Variants in SOS1 observed in about 807,000 individuals in gnomAD.
SOS1 encodes the protein SOS Ras/Rac guanine nucleotide exchange factor 1.
SOS1 carries 25 observed loss-of-function variants against 157.6 expected under a neutral mutation model. The observed-to-expected ratio is 0.16, with a 90% CI of 0.12 to 0.22. The LOEUF (loss-of-function observed/expected upper bound fraction) is 0.22. SOS1 is among the 10% of genes least tolerant of loss of function. The pLI is 1.00. For missense variants in SOS1, 1,237 were observed against 1,599.1 expected, an observed-to-expected ratio of 0.77 and a Z score of 3.86; for synonymous variants, 528 against 534.0, an observed-to-expected ratio of 0.99 and a Z score of 0.16.
intron 6 of SOS1, among the ~76,000 whole-genome samples, chr2:39,038,190 C>T (rs1261807399): frequency 6.6e-6 from 1 of 152,082 alleles, no homozygotes; most frequent in Non-Finnish European, 1.5e-5. Flanking sequence ...ATTCTAGATG[C>T]CAGTAAGAAC....
chr2:39,021,270 T>G (rs1669785766), intron 10 of SOS1, among the ~76,000 whole-genome samples: 1 of 151,572 alleles, frequency 6.6e-6, no homozygotes, highest in Admixed American at 6.6e-5. Context: ...TAATTTTGCT[T>G]TAAAGTGTCC....
intron 2 of SOS1, among the ~76,000 whole-genome samples, chr2:39,064,697 A>C (rs1429636863): frequency 6.6e-6 from 1 of 150,492 alleles, no homozygotes; most frequent in Non-Finnish European, 1.5e-5. Flanking sequence ...AAGATTTTTA[A>C]ATGTGTATAT....
chr2:39,019,491 G>A (rs535159998), intron 10 of SOS1, among the ~76,000 whole-genome samples: 1 of 151,680 alleles, frequency 6.6e-6, no homozygotes, highest in South Asian at 2.1e-4. Context: ...CCATCCAATT[G>A]GATAATTTTT....
intron 22 of SOS1, 135 bp from the exon 23 acceptor site, chr2:38,986,450 T>C (rs1323127243): frequency 1.1e-6 from 1 of 894,004 alleles, no homozygotes; most frequent in Non-Finnish European, 1.6e-6. Flanking sequence ...TTGCCATATG[T>C]TTTCTTTTTA....
At chr2:39,084,319 A>C (rs1056721752) in intron 1 of SOS1, among the ~76,000 whole-genome samples, 2 of 152,222 alleles carry the variant, frequency 1.3e-5, no homozygotes, top group African/African-American at 4.8e-5. Context: ...GAGAAAACTC[A>C]TTAAAAAATG....
In SOS1 at chr2:38,984,281, TTTCTC is replaced by T. The variant is rs1346096740; in HGVS notation, c.*1538_*1542del. On this transcript the variant is annotated 3_prime_UTR_variant, in exon 23 of 23. Coordinates refer to ENST00000402219, the MANE Select transcript of SOS1 (RefSeq NM_005633.4). ...ATTATAGTGGAGATTAATAAAATGTTTTCTCTTCAACAAGGTGCATGCATTTCAGT... is the reference window on the plus strand; with the variant it reads ...ATTATAGTGGAGATTAATAAAATGTTTTCAACAAGGTGCATGCATTTCAGT... The T allele has an allele frequency of 6.6e-6, 1 of 152,130 alleles. No homozygotes were observed. Among genetic ancestry groups the T allele is most frequent in the African/African-American group, 2.4e-5 (1 of 41,448 alleles). The allele number at this position is 152,130 out of a possible 1,614,324, so 9.4% of individuals were successfully genotyped here. A position where few individuals can be genotyped will look rare whatever the true frequency, so the allele number is the denominator to read the frequency against.
chr2:39,050,112 G>T (rs1363260732), intron 6 of SOS1, among the ~76,000 whole-genome samples: 2 of 152,068 alleles, frequency 1.3e-5, no homozygotes, highest in South Asian at 4.1e-4. Flanking sequence ...AAGGGCTGTG[G>T]TGATGCTTGA....
At chr2:39,047,526 T>C (rs1163851817) in intron 6 of SOS1, among the ~76,000 whole-genome samples, 1 of 152,214 alleles carries the variant, frequency 6.6e-6, no homozygotes, top group Non-Finnish European at 1.5e-5. Flanking sequence ...AAAATACATT[T>C]CCTTGATGAG....
chr2:39,106,434 CA>C (rs1197253378), intron 1 of SOS1, among the ~76,000 whole-genome samples: 1 of 151,016 alleles, frequency 6.6e-6, no homozygotes, highest in Non-Finnish European at 1.5e-5. Context: ...ACTAAAAATA[CA>C]AAAAAATTAG....
intron 1 of SOS1, among the ~76,000 whole-genome samples, chr2:39,097,695 C>A (rs1558511841): frequency 6.6e-6 from 1 of 152,104 alleles, no homozygotes; most frequent in Admixed American, 6.5e-5. Flanking sequence ...TCCCCAGTAG[C>A]TGGGATTACA....
At chr2:39,020,195 G>A (rs1470915) in intron 10 of SOS1, among the ~76,000 whole-genome samples, 141,002 of 151,550 alleles carry the variant, frequency 0.93, 65,698 homozygotes, top group African/African-American at 0.96. Flanking sequence ...GAAGGCTTGG[G>A]CATCTCTTCT....
chr2:39,061,684 G>C (rs566676070), intron 2 of SOS1, among the ~76,000 whole-genome samples: 22 of 152,124 alleles, frequency 1.4e-4, no homozygotes, highest in African/African-American at 4.1e-4. Context: ...CACTGCATTC[G>C]GCCTTCATGT....
At chr2:39,079,830 T>C (rs1163770506) in intron 1 of SOS1, among the ~76,000 whole-genome samples, 1 of 152,080 alleles carries the variant, frequency 6.6e-6, no homozygotes, top group African/African-American at 2.4e-5. Context: ...GTTAGGTACA[T>C]ACATGTTCAT....
intron 1 of SOS1, among the ~76,000 whole-genome samples, chr2:39,090,675 G>A (rs917760536): frequency 2.0e-5 from 3 of 151,986 alleles, no homozygotes; most frequent in African/African-American, 7.2e-5. Flanking sequence ...CAGCCTGAGC[G>A]ACAGAACGAG....
intron 10 of SOS1, among the ~76,000 whole-genome samples, chr2:39,017,990 C>G (rs1039846351): frequency 1.3e-5 from 2 of 151,728 alleles, no homozygotes; most frequent in African/African-American, 4.8e-5. Flanking sequence ...AAACAGAATA[C>G]CTAGTTCCAT....
intron 2 of SOS1, among the ~76,000 whole-genome samples, chr2:39,063,373 C>G (rs779546077): frequency 6.6e-6 from 1 of 152,114 alleles, no homozygotes; most frequent in Non-Finnish European, 1.5e-5. Context: ...TATGCAAATA[C>G]TATGCCATTT....
intron 1 of SOS1, among the ~76,000 whole-genome samples, chr2:39,074,074 G>A (rs1238338689): frequency 3.4e-4 from 51 of 151,866 alleles, no homozygotes; most frequent in Admixed American, 3.3e-3. Flanking sequence ...CCTGGGCTGG[G>A]CGCGGTGGCC....
chr2:39,049,295 C>A (rs1670916190), intron 6 of SOS1, among the ~76,000 whole-genome samples: 1 of 152,206 alleles, frequency 6.6e-6, no homozygotes, highest in Non-Finnish European at 1.5e-5. Flanking sequence ...GTCCTCAATT[C>A]CATCTTCCAA....
intron 1 of SOS1, among the ~76,000 whole-genome samples, chr2:39,083,557 A>G (rs1235745015): frequency 6.6e-6 from 1 of 152,216 alleles, no homozygotes; most frequent in African/African-American, 2.4e-5. Context: ...TGAGGAGTAG[A>G]TGGGAGGAGA....
Sources: allele counts gnomAD v4.1 joint callset (sites outside exome capture counted in the v4.1 genomes callset), GRCh38; gene constraint gnomAD v4.1.1; transcripts MANE v1.5; gene names NCBI Gene and HGNC (gene_info 2026-07-23, HGNC 2026-07-21).